Variants in CACNA1H observed in about 807,000 individuals in gnomAD.
CACNA1H encodes the protein voltage-dependent T-type calcium channel subunit alpha-1H.
A neutral mutation model predicts 192.5 loss-of-function variants in CACNA1H; 149 were observed. The ratio of observed to expected loss-of-function variants is 0.77; its 90% CI spans 0.68 to 0.89. The LOEUF (loss-of-function observed/expected upper bound fraction) is 0.89, where lower values mean the gene tolerates loss of function less well. Ranked by LOEUF, CACNA1H falls within the 40% of genes least tolerant of loss-of-function variation. The pLI, the probability that CACNA1H is intolerant of heterozygous loss-of-function variation, is 0.00. For synonymous variants in CACNA1H, 2,202 were observed against 1,475.2 expected (o/e 1.49, Z -11.29); for missense variants, 4,257 against 3,423.5 (o/e 1.24, Z -6.08).
intron 16 of CACNA1H, 95 bp downstream of exon 16, chr16:1,208,316 C>T: frequency 1.2e-6 from 1 of 835,834 alleles, no homozygotes; most frequent in South Asian, 1.5e-5. Context: ...AGGGCCGCAC[C>T]CCCCACACCC....
chr16:1,192,722 G>C (rs1378138143), intron 2 of CACNA1H, among the ~76,000 whole-genome samples: 2 of 152,200 alleles, frequency 1.3e-5, no homozygotes, highest in African/African-American at 4.8e-5. Flanking sequence ...GGACATTTCT[G>C]GGGGGTCTCC....
intron 34 of CACNA1H, 45 bp from the exon 35 acceptor site, chr16:1,219,936 C>T (rs1274183213): frequency 3.2e-6 from 4 of 1,259,226 alleles, no homozygotes; most frequent in Non-Finnish European, 4.0e-6. Context: ...ACTGACAGGG[C>T]TCTCCCAGGG....
rs766406727 is a variant in CACNA1H at position 1,209,176 on chromosome 16, G to A, written c.3508G>A (p.Glu1170Lys). Residue 1170 changes from glutamate to lysine, a missense_variant, in exon 17 of 35, where the codon GAG becomes AAG. Glu to Lys is a moderately conservative substitution (Grantham distance 56). Coordinates refer to ENST00000348261, the MANE Select transcript of CACNA1H (RefSeq NM_021098.3). ...GGAACGTGAGTCCCTGCTGTCTGGC[G>A]AGGGCAAGGGCAGCACCGACGACGA... ...CGERESLLSGEGKGSTDDEAE... is the reference protein window; with the variant it reads ...CGERESLLSGKGKGSTDDEAE... The A allele has an allele frequency of 2.8e-5, 43 of 1,552,990 alleles. No homozygotes were observed. The highest frequency in any genetic ancestry group is 3.3e-4 in the Middle Eastern group (2 of 6,016).
At chr16:1,210,342 C>CCCCGG in intron 18 of CACNA1H, 28 bp from the exon 19 acceptor site, 1 of 999,086 alleles carries the variant, frequency 1.0e-6, no homozygotes, top group Non-Finnish European at 1.5e-6. Context: ...CGCCCCGCCC[C>CCCCGG]ACCTCTCACC....
chr16:1,154,068 CG>C, intron 2 of CACNA1H, 32 bp downstream of exon 2: 3 of 36,432 alleles, frequency 8.2e-5, no homozygotes, highest in Admixed American at 1.3e-3. Context: ...GGGCGGGGGG[CG>C]GGGGGCGTGG....
chr16:1,176,496 C>G (rs184497486), intron 2 of CACNA1H, among the ~76,000 whole-genome samples: 2 of 152,194 alleles, frequency 1.3e-5, no homozygotes, highest in South Asian at 2.1e-4. Flanking sequence ...TGACCTGTGG[C>G]TCGGGCTGAG....
chr16:1,203,212 C>T (rs1047043270), intron 9 of CACNA1H, among the ~76,000 whole-genome samples: 4 of 152,130 alleles, frequency 2.6e-5, no homozygotes, highest in African/African-American at 4.8e-5. Flanking sequence ...GGAGTCCAGC[C>T]GCTGTGTGTT....
At chr16:1,195,836 C>T (rs112895303) in intron 4 of CACNA1H, 90 bp from the exon 5 acceptor site, 7 of 1,081,220 alleles carry the variant, frequency 6.5e-6, no homozygotes, top group Admixed American at 5.1e-5. Flanking sequence ...CTGGCCGGTT[C>T]TATGCCTGCC....
intron 2 of CACNA1H, chr16:1,159,837 A>G (rs1258365442): frequency 1.3e-5 from 2 of 152,266 alleles, no homozygotes; most frequent in Non-Finnish European, 1.5e-5. Flanking sequence ...AAGCACCCGA[A>G]CTTCATTCTT....
chr16:1,178,203 T>C (rs1313374000), intron 2 of CACNA1H, among the ~76,000 whole-genome samples: 1 of 112,094 alleles, frequency 8.9e-6, no homozygotes, highest in African/African-American at 3.5e-5. Context: ...CACCTCATGG[T>C]CCCTCCCGGC....
chr16:1,194,939 C>T (rs748716003), intron 2 of CACNA1H, 33 bp from the exon 3 acceptor site: 9 of 1,526,012 alleles, frequency 5.9e-6, no homozygotes, highest in African/African-American at 2.7e-5. Flanking sequence ...GGTCCCGGGC[C>T]GCGCCGGTGT....
chr16:1,175,169 C>T (rs955061847), intron 2 of CACNA1H, among the ~76,000 whole-genome samples: 4 of 152,082 alleles, frequency 2.6e-5, no homozygotes, highest in Admixed American at 1.3e-4. Context: ...CGCGGGCCAA[C>T]GCCCACTGCC....
intron 11 of CACNA1H, 46 bp downstream of exon 11, chr16:1,205,311 A>C (rs1468394871): frequency 6.4e-7 from 1 of 1,554,686 alleles, no homozygotes; most frequent in Admixed American, 1.8e-5. Context: ...GGGAAGCTCC[A>C]CTCTCTGGCA....
chr16:1,211,095 C>G (rs1969389423), intron 21 of CACNA1H, 73 bp from the exon 22 acceptor site: 22 of 1,581,360 alleles, frequency 1.4e-5, no homozygotes, highest in Non-Finnish European at 1.9e-5. Context: ...ACCTTGGGAC[C>G]TTTGCTGAGC....
In CACNA1H at chr16:1,217,902, G is replaced by A. The variant is rs772423711; in HGVS notation, c.5324-17G>A. 1 of 1,588,712 alleles carries A rather than the reference G, an allele frequency of 6.3e-7. No individual in the cohort carries two copies. Among genetic ancestry groups the A allele is most frequent in the Non-Finnish European group, 8.6e-7 (1 of 1,167,110 alleles). ...GGAGCGGGCTCGGCTGACCGGGCGGGGTCTCCCTCCCCGCAGAGTGCAGTG... is the reference window on the plus strand; with the variant it reads ...GGAGCGGGCTCGGCTGACCGGGCGGAGTCTCCCTCCCCGCAGAGTGCAGTG... On this transcript the variant is annotated splice_polypyrimidine_tract_variant and intron_variant, in intron 31 of 34. Transcript: ENST00000348261.
intron 30 of CACNA1H, 48 bp from the exon 31 acceptor site, chr16:1,216,884 G>A (rs1236318671): frequency 2.7e-6 from 4 of 1,480,096 alleles, no homozygotes; most frequent in Non-Finnish European, 2.8e-6. Context: ...GTGGGCTGAG[G>A]CCTCCCTGCC....
At chr16:1,172,549 C>T (rs891715568) in intron 2 of CACNA1H, among the ~76,000 whole-genome samples, 1 of 152,190 alleles carries the variant, frequency 6.6e-6, no homozygotes, top group Non-Finnish European at 1.5e-5. Flanking sequence ...GAGGGAACCC[C>T]GAGGCGTGGG....
At chr16:1,160,937 C>A (rs1438388876) in intron 2 of CACNA1H, among the ~76,000 whole-genome samples, 3 of 152,118 alleles carry the variant, frequency 2.0e-5, no homozygotes, top group Admixed American at 1.3e-4. Context: ...CGGCCCCCCC[C>A]CAGCCTCGGT....
chr16:1,207,508 TG>T, intron 14 of CACNA1H, 78 bp downstream of exon 14: 3 of 1,443,830 alleles, frequency 2.1e-6, no homozygotes, highest in East Asian at 2.4e-5. Context: ...GGGAGGGGTG[TG>T]GGGGGCCTGC....
Sources: gnomAD v4.1 joint callset for allele counts (sites outside exome capture counted in the v4.1 genomes callset) on GRCh38, gnomAD v4.1.1 for gene constraint, MANE v1.5 for transcripts, NCBI Gene and HGNC (gene_info 2026-07-23, HGNC 2026-07-21) for gene names.